Variants in SLC13A3 observed in about 807,000 individuals in gnomAD.
SLC13A3 encodes the protein solute carrier family 13 member 3.
SLC13A3 carries 40 observed loss-of-function variants against 59.0 expected under a neutral mutation model. The observed-to-expected ratio is 0.68, with a 90% CI of 0.53 to 0.88. SLC13A3 has a LOEUF of 0.88. Among genes scored for constraint, SLC13A3 ranks in the 40% least tolerant of loss-of-function variants. The probability of loss-of-function intolerance (pLI) is 0.00; values close to 1 mark genes in which losing one functional copy is unlikely to be tolerated. For synonymous variants in SLC13A3, 317 were observed against 330.3 expected, an observed-to-expected ratio of 0.96 and a Z score of 0.44; for missense variants, 699 against 783.2, an observed-to-expected ratio of 0.89 and a Z score of 1.28.
intron 4 of SLC13A3, among the ~76,000 whole-genome samples, chr20:46,597,494 T>A (rs972453916): frequency 1.3e-5 from 2 of 152,242 alleles, no homozygotes; most frequent in African/African-American, 4.8e-5. Flanking sequence ...TAGAGTGCAA[T>A]GGCATGATCT....
At chr20:46,620,734 A>C (rs1326194728) in intron 1 of SLC13A3, among the ~76,000 whole-genome samples, 1 of 152,196 alleles carries the variant, frequency 6.6e-6, no homozygotes, top group Non-Finnish European at 1.5e-5. Context: ...TAACAGCAGA[A>C]ACAATAGCCA....
At chr20:46,671,806 T>G (rs905517087), upstream of SLC13A3, among the ~76,000 whole-genome samples, 34 of 152,182 alleles carry the variant, frequency 2.2e-4, no homozygotes, top group Admixed American at 6.5e-5. Flanking sequence ...AACCAGTCTC[T>G]GAGCTGAGGG....
chr20:46,603,638 T>C (rs1439073929), intron 3 of SLC13A3, among the ~76,000 whole-genome samples: 4 of 151,410 alleles, frequency 2.6e-5, no homozygotes. Context: ...TCCTCTCACC[T>C]CGGCCTCCCA....
At chr20:46,612,841 T>G (rs1490621794) in intron 2 of SLC13A3, among the ~76,000 whole-genome samples, 1 of 152,174 alleles carries the variant, frequency 6.6e-6, no homozygotes, top group Non-Finnish European at 1.5e-5. Flanking sequence ...TCTTTAGGAT[T>G]GTAACCCTGC....
At chr20:46,587,506 G>C (rs1033259046) in intron 8 of SLC13A3, among the ~76,000 whole-genome samples, 7 of 152,080 alleles carry the variant, frequency 4.6e-5, no homozygotes, top group Non-Finnish European at 1.0e-4. Flanking sequence ...TGCTACGTTT[G>C]TTCTGACTCA....
At chr20:46,683,378 G>A (rs1175986841) in intron 1 of SLC13A3, among the ~76,000 whole-genome samples, 2 of 152,126 alleles carry the variant, frequency 1.3e-5, no homozygotes, top group Non-Finnish European at 2.9e-5. Context: ...TCTAACACGA[G>A]GCTCCATCTT....
At chr20:46,635,696 TG>T (rs1444377502) in intron 1 of SLC13A3, among the ~76,000 whole-genome samples, 4 of 152,202 alleles carry the variant, frequency 2.6e-5, no homozygotes, top group Non-Finnish European at 4.4e-5. Context: ...TGAGACCTGC[TG>T]GGCTGCATTC....
chr20:46,610,605 T>C lies in SLC13A3; in HGVS notation c.382A>G (p.Ile128Val). Residue 128 changes from isoleucine (I) to valine (V), a missense_variant, in exon 3 of 13, where the codon ATC (isoleucine) becomes GTC (valine). Ile to Val is a conservative substitution (Grantham distance 29, BLOSUM62 3). Coordinates refer to ENST00000279027, the MANE Select transcript of SLC13A3 (RefSeq NM_022829.6). Reference protein sequence around the residue: ...MLVGVQPARLILGMMVTTSFL... With the variant: ...MLVGVQPARLVLGMMVTTSFL... Reference sequence around the variant, plus strand: ...GAGGTGGTCACCATCATCCCCAGGATGAGCCTGCAGAGCAGATGGCATTAG... The same window carrying C: ...GAGGTGGTCACCATCATCCCCAGGACGAGCCTGCAGAGCAGATGGCATTAG... The C allele has an allele frequency of 1.2e-6, 2 of 1,612,784 alleles. No homozygotes were observed. Among genetic ancestry groups the C allele is most frequent in the Non-Finnish European group, 1.7e-6 (2 of 1,179,354 alleles).
At chr20:46,562,310 T>A (rs1365094257) in intron 12 of SLC13A3, among the ~76,000 whole-genome samples, 3 of 152,216 alleles carry the variant, frequency 2.0e-5, no homozygotes, top group Non-Finnish European at 2.9e-5. Context: ...CCAACTCCAC[T>A]GCAGCCACCC....
At chr20:46,656,578 A>G (rs1425707200) in intron 1 of SLC13A3, among the ~76,000 whole-genome samples, 2 of 147,282 alleles carry the variant, frequency 1.4e-5, no homozygotes, top group Admixed American at 6.8e-5. Context: ...ACTATACAGT[A>G]CATATATTAT....
chr20:46,662,428 C>A (rs2063036580), intron 1 of SLC13A3, among the ~76,000 whole-genome samples: 1 of 152,142 alleles, frequency 6.6e-6, no homozygotes, highest in Non-Finnish European at 1.5e-5. Context: ...TTCCTGCCTA[C>A]CATGTGAAAG....
intron 1 of SLC13A3, among the ~76,000 whole-genome samples, chr20:46,662,405 G>A (rs927977604): frequency 1.4e-4 from 21 of 152,076 alleles, no homozygotes; most frequent in African/African-American, 4.6e-4. Flanking sequence ...AAAATACCAG[G>A]ACCATTGGGT....
chr20:46,683,530 C>T lies in SLC13A3; in HGVS notation c.-31+866G>A, dbSNP rs1230119229. 2.6e-5 allele frequency among the ~76,000 whole-genome samples: 4 copies of T among 152,320 alleles called. No individual in the cohort carries two copies. In the East Asian group the frequency reaches 7.7e-4, roughly 29 times the overall value. On this transcript the variant is annotated intron_variant, in intron 1 of 6. Transcript: ENST00000372121. Reference sequence around the variant, plus strand: ...GTGCCAATGGCACACCTGGGTCCAACCAGTTTTTCACACCCTATGTAGATC... The same window carrying T: ...GTGCCAATGGCACACCTGGGTCCAATCAGTTTTTCACACCCTATGTAGATC...
At chr20:46,661,417 T>G (rs1664329111) in intron 1 of SLC13A3, among the ~76,000 whole-genome samples, 1 of 152,220 alleles carries the variant, frequency 6.6e-6, no homozygotes, top group African/African-American at 2.4e-5. Flanking sequence ...AGTTCATCAC[T>G]GGCTCCAAAT....
At chr20:46,588,229 C>T (rs1672346992) in intron 7 of SLC13A3, 66 bp from the exon 8 acceptor site, 1 of 957,768 alleles carries the variant, frequency 1.0e-6, no homozygotes, top group Non-Finnish European at 1.6e-6. Flanking sequence ...CAGGCACAGG[C>T]TCAGGCAGCT....
intron 8 of SLC13A3, among the ~76,000 whole-genome samples, chr20:46,586,432 C>T (rs2062192217): frequency 1.3e-5 from 2 of 152,168 alleles, no homozygotes; most frequent in South Asian, 4.1e-4. Context: ...TCCTCATGGT[C>T]TATACTCTAC....
upstream of SLC13A3, chr20:46,651,467 C>T: frequency 7.3e-7 from 1 of 1,369,262 alleles, no homozygotes; most frequent in Non-Finnish European, 9.3e-7. Context: ...ACTGCCCCGC[C>T]TGGCCCCGGC....
intron 1 of SLC13A3, among the ~76,000 whole-genome samples, chr20:46,661,764 A>T (rs1233419362): frequency 2.0e-5 from 3 of 152,188 alleles, no homozygotes; most frequent in Non-Finnish European, 4.4e-5. Context: ...GATAGTCAAA[A>T]GCCAGGCATG....
intron 9 of SLC13A3, among the ~76,000 whole-genome samples, chr20:46,581,460 C>T (rs1480464634): frequency 6.6e-6 from 1 of 152,206 alleles, no homozygotes; most frequent in Non-Finnish European, 1.5e-5. Context: ...AGAGAAGTGA[C>T]ACCTGAAGGT....
Sources: gnomAD v4.1 joint callset for allele counts (sites outside exome capture counted in the v4.1 genomes callset) on GRCh38, gnomAD v4.1.1 for gene constraint, MANE v1.5 for transcripts, NCBI Gene and HGNC (gene_info 2026-07-23, HGNC 2026-07-21) for gene names.